PHACTR1: variants seen among roughly 807,000 people sequenced by gnomAD.
PHACTR1 encodes RPEL repeat containing 1.
PHACTR1 carries 16 observed loss-of-function variants against 69.2 expected under a neutral mutation model. That is an observed-to-expected ratio of 0.23 (90% CI 0.16 to 0.35). The LOEUF (loss-of-function observed/expected upper bound fraction) is 0.35, where lower values mean the gene tolerates loss of function less well. Among genes scored for constraint, PHACTR1 ranks in the 10% least tolerant of loss-of-function variants. The probability of loss-of-function intolerance (pLI) is 1.00; values close to 1 mark genes in which losing one functional copy is unlikely to be tolerated. For missense variants in PHACTR1, 510 were observed against 734.7 expected, an observed-to-expected ratio of 0.69 and a Z score of 3.54; for synonymous variants, 312 against 284.5, an observed-to-expected ratio of 1.10 and a Z score of -0.97.
intron 3 of PHACTR1, among the ~76,000 whole-genome samples, chr6:12,728,705 T>A (rs1763112086): frequency 6.6e-6 from 1 of 152,224 alleles, no homozygotes; most frequent in South Asian, 2.1e-4. Context: ...TATATAATTT[T>A]CAGGTAATAT....
chr6:12,758,402 G>C (rs553426484), intron 4 of PHACTR1, among the ~76,000 whole-genome samples: 1 of 145,182 alleles, frequency 6.9e-6, no homozygotes, highest in South Asian at 2.3e-4. Context: ...TGTGAGCAGA[G>C]ACCCAGTGAG....
chr6:12,939,249 T>C (rs1379828223), intron 4 of PHACTR1, among the ~76,000 whole-genome samples: 3 of 152,194 alleles, frequency 2.0e-5, no homozygotes, highest in Non-Finnish European at 4.4e-5. Context: ...GGTCTCTCCA[T>C]AATCGAAGGA....
rs187216888 is a variant in PHACTR1, at chr6:13,253,790, C to T, written c.1392-19070C>T. ...TCCTGCGGGAGGTCAGCTGCATGGA[C>T]GTGGACATCTGTGCCTCCACATTGG... On this transcript the variant is annotated intron_variant, in intron 10 of 14. Transcript: ENST00000332995. 3.6e-4 allele frequency among the ~76,000 whole-genome samples: 55 copies of T among 152,324 alleles called. No homozygotes were observed. In the East Asian group the frequency reaches 6.4e-3, roughly 18 times the overall value.
At position 13,213,673 on chromosome 6, in the gene PHACTR1, C is replaced by T. The variant is rs1219119970; in HGVS notation, c.986+7537C>T. Among the ~76,000 whole-genome samples, 4 of 152,302 alleles carry T rather than the reference C, an allele frequency of 2.6e-5. No individual in the cohort carries two copies. In the East Asian group the frequency reaches 7.7e-4, roughly 29 times the overall value. On this transcript the variant is annotated intron_variant, in intron 8 of 14. Coordinates refer to ENST00000332995, the MANE Select transcript of PHACTR1 (RefSeq NM_030948.6). ...CTCCCTCATGAACGACATTAAGACC[C>T]TTGTGAACTGGACTTCACACAGCAG...
At chr6:12,830,129 G>GAAAGAAAGAAAGAAAAAGAAAGA (rs1554146480) in intron 4 of PHACTR1, among the ~76,000 whole-genome samples, 3 of 136,564 alleles carry the variant, frequency 2.2e-5, no homozygotes, top group African/African-American at 8.3e-5. Context: ...AAGAAAGAAA[G>GAAAGAAAGAAAGAAAAAGAAAGA]AAAGAAAGAA....
intron 3 of PHACTR1, 101 bp from the exon 4 acceptor site, chr6:12,749,543 C>T (rs778925892): frequency 4.8e-6 from 2 of 419,082 alleles, no homozygotes; most frequent in South Asian, 1.6e-5. Flanking sequence ...TTCCTCTCCC[C>T]TCCCCCTTCC....
chr6:13,189,397 C>G (rs757629046), intron 7 of PHACTR1, among the ~76,000 whole-genome samples: 23 of 152,054 alleles, frequency 1.5e-4, no homozygotes, highest in Non-Finnish European at 3.1e-4. Context: ...TCCCACCCCC[C>G]CTTTTTTTTT....
At chr6:12,772,627 G>C (rs1484799575) in intron 4 of PHACTR1, among the ~76,000 whole-genome samples, 1 of 152,126 alleles carries the variant, frequency 6.6e-6, no homozygotes, top group Non-Finnish European at 1.5e-5. Flanking sequence ...CCCTTCTGCA[G>C]TGTTTTTGAC....
chr6:13,217,122 A>G (rs779829218), intron 8 of PHACTR1, among the ~76,000 whole-genome samples: 6 of 152,258 alleles, frequency 3.9e-5, no homozygotes, highest in African/African-American at 1.2e-4. Flanking sequence ...GGTAATATCT[A>G]TAATGACTAA....
rs1226895769 is a variant in PHACTR1, at chr6:13,160,222, C to T, written c.434C>T (p.Ser145Phe). ...HTSAALERKI[S>F]MRQSREELIK... ...TTTGTAGCCCTGGAAAGGAAAATAT[C>T]TATGAGGCAAAGCAGAGAAGAGCTG... The change falls in exon 6 of 15, where the codon TCT (serine) becomes TTT (phenylalanine). Residue 145 changes from serine (S) to phenylalanine (F), a missense_variant. This residue lies in a region of PHACTR1 where 419 missense variants were observed against 530.9 expected (regional missense o/e 0.79). Coordinates refer to ENST00000332995, the MANE Select transcript of PHACTR1 (RefSeq NM_030948.6). The T allele has an allele frequency of 6.2e-7, 1 of 1,613,638 alleles. No individual in the cohort carries two copies. The highest frequency in any genetic ancestry group is 1.7e-5 in the Admixed American group (1 of 60,002).
intron 4 of PHACTR1, among the ~76,000 whole-genome samples, chr6:12,754,362 T>G (rs1231155568): frequency 1.3e-5 from 2 of 152,170 alleles, no homozygotes; most frequent in Non-Finnish European, 2.9e-5. Context: ...ACTCTTTTGC[T>G]GAAGAATGCC....
At chr6:12,950,848 T>C (rs1791204000) in intron 4 of PHACTR1, among the ~76,000 whole-genome samples, 1 of 152,208 alleles carries the variant, frequency 6.6e-6, no homozygotes, top group Admixed American at 6.5e-5. Context: ...GGCCTCTTCC[T>C]ACTGCAGTTG....
At chr6:13,284,426 A>G in intron 13 of PHACTR1, among the ~76,000 whole-genome samples, 1 of 147,904 alleles carries the variant, frequency 6.8e-6, no homozygotes. Context: ...CTGAGGCAGG[A>G]GAATTGCTTG....
intron 4 of PHACTR1, among the ~76,000 whole-genome samples, chr6:12,938,286 T>C (rs899156879): frequency 6.6e-6 from 1 of 152,142 alleles, no homozygotes; most frequent in Non-Finnish European, 1.5e-5. Flanking sequence ...GTTACACAGA[T>C]AGTGCATAGT....
intron 4 of PHACTR1, among the ~76,000 whole-genome samples, chr6:12,830,064 GAAAAGAAAGA>G (rs1561923431): frequency 7.5e-6 from 1 of 134,092 alleles, no homozygotes; most frequent in East Asian, 2.2e-4. Context: ...AGGAAGGAAG[GAAAAGAAAGA>G]AGGAAGGAAG....
intron 4 of PHACTR1, among the ~76,000 whole-genome samples, chr6:12,981,028 T>C (rs1445951497): frequency 1.3e-5 from 2 of 152,238 alleles, no homozygotes; most frequent in African/African-American, 4.8e-5. Context: ...GGATAACTGG[T>C]GGGAATGCTT....
chr6:13,020,468 C>G (rs984801314), intron 4 of PHACTR1, among the ~76,000 whole-genome samples: 2 of 152,102 alleles, frequency 1.3e-5, no homozygotes, highest in African/African-American at 2.4e-5. Context: ...CAGGCAGACT[C>G]AGGATGTCAT....
intron 4 of PHACTR1, among the ~76,000 whole-genome samples, chr6:12,862,582 C>G (rs954585478): frequency 6.6e-6 from 1 of 152,142 alleles, no homozygotes; most frequent in African/African-American, 2.4e-5. Context: ...TAAGTTACTA[C>G]TCATACAGCC....
In PHACTR1 at chr6:13,287,048, T is replaced by C; in HGVS notation, c.1728-15T>C. 1 of 1,607,800 alleles carries C rather than the reference T, an allele frequency of 6.2e-7. No individual in the cohort carries two copies. The highest frequency in any genetic ancestry group is 1.7e-5 in the Admixed American group (1 of 59,036). On this transcript the variant is annotated splice_polypyrimidine_tract_variant and intron_variant, in intron 14 of 14. Transcript: ENST00000332995. Reference sequence around the variant, plus strand: ...GGCAGCCCCTTGGTCTTGATGTAATTGTTTGTTTCCTTAGGTTTCACCGAC... The same window carrying C: ...GGCAGCCCCTTGGTCTTGATGTAATCGTTTGTTTCCTTAGGTTTCACCGAC...
Sources: gnomAD v4.1 joint callset for allele counts (sites outside exome capture counted in the v4.1 genomes callset) on GRCh38, gnomAD v4.1.1 for gene constraint, gnomAD v4.1.1 regional missense constraint, MANE v1.5 for transcripts, NCBI Gene and HGNC (gene_info 2026-07-23, HGNC 2026-07-21) for gene names.